Variants in STARD13 observed in about 807,000 individuals in gnomAD.
STARD13 encodes the protein StAR related lipid transfer domain containing 13.
A neutral mutation model predicts 106.4 loss-of-function variants in STARD13; 62 were observed. That is an observed-to-expected ratio of 0.58 (90% CI 0.48 to 0.72). The LOEUF (loss-of-function observed/expected upper bound fraction) is 0.72, where lower values mean the gene tolerates loss of function less well. STARD13 is among the 30% of genes least tolerant of loss of function. STARD13 has a pLI of 0.00. For missense variants in STARD13, 1,387 were observed against 1,424.0 expected (o/e 0.97, Z 0.42); for synonymous variants, 565 against 553.0 (o/e 1.02, Z -0.31).
At chr13:33,230,855 C>CTGCAAGA (rs1888883876) in intron 1 of STARD13, among the ~76,000 whole-genome samples, 1 of 152,246 alleles carries the variant, frequency 6.6e-6, no homozygotes, top group Admixed American at 6.5e-5. Flanking sequence ...AGAACCATAA[C>CTGCAAGA]TGCAAGATGC....
At chr13:33,614,429 C>T in the STARD13 span, among the ~76,000 whole-genome samples, 1 of 151,918 alleles carries the variant, frequency 6.6e-6, no homozygotes, top group East Asian at 1.9e-4. Context: ...GTTGACCCTA[C>T]TTGCATTTTC....
chr13:33,340,356 G>A (rs1302747163), intron 1 of STARD13, among the ~76,000 whole-genome samples: 1 of 151,790 alleles, frequency 6.6e-6, no homozygotes, highest in Non-Finnish European at 1.5e-5. Context: ...ACAGGCACGT[G>A]ACACCATGTT....
the STARD13 span, among the ~76,000 whole-genome samples, chr13:33,525,612 C>T: frequency 6.6e-6 from 1 of 152,058 alleles, no homozygotes; most frequent in Non-Finnish European, 1.5e-5. Context: ...TTTGTCTTTA[C>T]TAATTCCTCC....
chr13:33,347,218 C>A (rs1248574796), downstream of STARD13, among the ~76,000 whole-genome samples: 3 of 152,066 alleles, frequency 2.0e-5, no homozygotes, highest in African/African-American at 7.2e-5. Flanking sequence ...GCTTACAATG[C>A]CGTGTTTTTA....
At chr13:33,493,595 T>TG in the STARD13 span, among the ~76,000 whole-genome samples, 42 of 152,142 alleles carry the variant, frequency 2.8e-4, no homozygotes, top group African/African-American at 9.2e-4. Flanking sequence ...GAGAGAAAAC[T>TG]GTGGGGGTGC....
chr13:33,628,148 A>AACAC, the STARD13 span, among the ~76,000 whole-genome samples: 20,218 of 133,202 alleles, frequency 0.15, 1,542 homozygotes, highest in Middle Eastern at 0.22. Flanking sequence ...TCTCTTGTAA[A>AACAC]ACACACACAC....
chr13:33,207,840 G>C (rs1037704113), intron 1 of STARD13, among the ~76,000 whole-genome samples: 1 of 152,142 alleles, frequency 6.6e-6, no homozygotes, highest in African/African-American at 2.4e-5. Context: ...CTCGATGCAG[G>C]CTGTGTGACA....
chr13:33,450,219 TTTG>T, the STARD13 span, among the ~76,000 whole-genome samples: 7 of 152,176 alleles, frequency 4.6e-5, no homozygotes, highest in Non-Finnish European at 4.4e-5. Context: ...TGGCCGTGAG[TTTG>T]TTATGTATGG....
the STARD13 span, among the ~76,000 whole-genome samples, chr13:33,588,646 G>C: frequency 1.3e-5 from 2 of 152,142 alleles, no homozygotes; most frequent in Non-Finnish European, 2.9e-5. Flanking sequence ...TTGAAATGTG[G>C]ATCTTGAGAA....
intron 1 of STARD13, among the ~76,000 whole-genome samples, chr13:33,203,531 T>C (rs1455803523): frequency 2.6e-5 from 4 of 152,202 alleles, no homozygotes; most frequent in Non-Finnish European, 4.4e-5. Flanking sequence ...TTTTTTACAT[T>C]AGGAAGTTTA....
At chr13:33,335,514 G>A (rs931129062) in intron 1 of STARD13, among the ~76,000 whole-genome samples, 11 of 152,248 alleles carry the variant, frequency 7.2e-5, no homozygotes, top group African/African-American at 2.4e-4. Context: ...TGAGAGTCAT[G>A]CTGCTCTCTC....
At chr13:33,630,117 G>A in the STARD13 span, among the ~76,000 whole-genome samples, 3 of 152,108 alleles carry the variant, frequency 2.0e-5, no homozygotes, top group Non-Finnish European at 4.4e-5. Context: ...GTTTCTCACA[G>A]CCACCCTATG....
the STARD13 span, among the ~76,000 whole-genome samples, chr13:33,628,200 A>G: frequency 6.7e-6 from 1 of 148,968 alleles, no homozygotes; most frequent in African/African-American, 2.5e-5. Context: ...CACCACATGC[A>G]TCATGGACAC....
the STARD13 span, among the ~76,000 whole-genome samples, chr13:33,374,290 G>A: frequency 6.6e-6 from 1 of 152,146 alleles, no homozygotes; most frequent in East Asian, 1.9e-4. Flanking sequence ...TGGGGAATGG[G>A]AATTTGATGT....
In STARD13 at chr13:33,299,397, T is replaced by A. The variant is rs1892625648; in HGVS notation, c.124+50893A>T. On this transcript the variant is annotated intron_variant, in intron 1 of 5. Transcript: ENST00000567873. ...CATAAAGCAGTCTAAACACTTTTTA[T>A]CCAAACACTTCCTAAGAAATTACTC... is the stretch of plus-strand genomic sequence containing the variant. Among the ~76,000 whole-genome samples the A allele has an allele frequency of 1.3e-5, 2 of 152,210 alleles. 1 individual carries two copies. Among genetic ancestry groups the A allele is most frequent in the Non-Finnish European group, 2.9e-5 (2 of 68,038 alleles).
At chr13:33,272,398 A>T (rs1003417148) in intron 1 of STARD13, 2 of 152,222 alleles carry the variant, frequency 1.3e-5, no homozygotes, top group African/African-American at 4.8e-5. Context: ...CTCAACCTGC[A>T]TAAGTATATT....
chr13:33,519,272 CT>C, the STARD13 span, among the ~76,000 whole-genome samples: 42 of 123,366 alleles, frequency 3.4e-4, no homozygotes, highest in South Asian at 1.1e-3. Context: ...TTCTTTCTTT[CT>C]TTTCTTTCTC....
chr13:33,168,520 G>A (rs1279891178), intron 1 of STARD13, among the ~76,000 whole-genome samples: 1 of 152,146 alleles, frequency 6.6e-6, no homozygotes, highest in Non-Finnish European at 1.5e-5. Context: ...GAATCCAAGG[G>A]GAAAGAAGTT....
chr13:33,588,215 A>G, the STARD13 span, among the ~76,000 whole-genome samples: 1 of 152,184 alleles, frequency 6.6e-6, no homozygotes, highest in Admixed American at 6.5e-5. Context: ...TCTTGTATCT[A>G]CAGCCCCCAA....
Sources: gnomAD v4.1 joint callset for allele counts (sites outside exome capture counted in the v4.1 genomes callset) on GRCh38, gnomAD v4.1.1 for gene constraint, MANE v1.5 for transcripts, NCBI Gene and HGNC (gene_info 2026-07-23, HGNC 2026-07-21) for gene names.